CCDC178: variants seen among roughly 807,000 people sequenced by gnomAD.
CCDC178 encodes the protein coiled-coil domain containing 178, also known as coiled-coil domain-containing protein 178.
Under a neutral mutation model 117.4 loss-of-function variants are expected in CCDC178, and 126 were observed. The observed-to-expected ratio is 1.07, with a 90% CI of 0.93 to 1.24. The LOEUF (loss-of-function observed/expected upper bound fraction) is 1.24, where lower values mean the gene tolerates loss of function less well. Ranked by LOEUF, CCDC178 falls within the 50% of genes most tolerant of loss-of-function variation. The pLI is 0.00. For synonymous variants in CCDC178, 283 were observed against 313.4 expected (o/e 0.90, Z 1.02); for missense variants, 1,030 against 986.9 (o/e 1.04, Z -0.59).
intron 17 of CCDC178, among the ~76,000 whole-genome samples, chr18:33,223,702 A>T (rs2059267289): frequency 6.6e-6 from 1 of 152,152 alleles, no homozygotes; most frequent in African/African-American, 2.4e-5. Context: ...GGAAACAAAG[A>T]TCATTAATCT....
At chr18:33,441,010 G>T (rs1048849993), upstream of CCDC178, 2 of 152,322 alleles carry the variant, frequency 1.3e-5, no homozygotes, top group Non-Finnish European at 2.9e-5. Context: ...AGGTTAGAAC[G>T]TGAGGGGATC....
intron 15 of CCDC178, among the ~76,000 whole-genome samples, chr18:33,230,760 T>A (rs982999279): frequency 4.6e-5 from 7 of 152,036 alleles, no homozygotes; most frequent in African/African-American, 1.7e-4. Context: ...ATGGGACAGG[T>A]GGTAGAAAAG....
intron 20 of CCDC178, among the ~76,000 whole-genome samples, chr18:33,176,716 T>C (rs2058668375): frequency 6.6e-6 from 1 of 152,206 alleles, no homozygotes; most frequent in Non-Finnish European, 1.5e-5. Context: ...TGTACTGTCT[T>C]CAGTACACTT....
intron 21 of CCDC178, among the ~76,000 whole-genome samples, chr18:33,070,329 A>C (rs576990637): frequency 6.6e-6 from 1 of 152,222 alleles, no homozygotes; most frequent in African/African-American, 2.4e-5. Context: ...TACACAATAG[A>C]ATACTATTCA....
At position 33,012,985 on chromosome 18, in the gene CCDC178, T is replaced by C. The variant is rs1598787741; in HGVS notation, c.2389-38304A>G. ...TATCAGCCTATGCTCTAAACAGTAG[T>C]TAGAGCAAACTTGTTTATAAGAGAA... is the stretch of plus-strand genomic sequence containing the variant. On this transcript the variant is annotated intron_variant, in intron 21 of 22. Transcript: ENST00000383096. Among the ~76,000 whole-genome samples, 8 of 152,286 alleles carry C rather than the reference T, an allele frequency of 5.3e-5. 2 individuals are homozygous for C. The highest frequency in any genetic ancestry group is 5.2e-4 in the Admixed American group (8 of 15,290).
chr18:33,128,213 T>C (rs1201718430), intron 20 of CCDC178, among the ~76,000 whole-genome samples: 3 of 152,206 alleles, frequency 2.0e-5, no homozygotes, highest in Non-Finnish European at 2.9e-5. Flanking sequence ...TACACTGACA[T>C]TGTCAATCCT....
chr18:33,378,496 G>T (rs2063393225), intron 5 of CCDC178, among the ~76,000 whole-genome samples: 1 of 152,020 alleles, frequency 6.6e-6, no homozygotes, highest in East Asian at 1.9e-4. Flanking sequence ...AGTCAGAATG[G>T]GCATGCTCAT....
chr18:33,192,217 T>C (rs1045256995), intron 20 of CCDC178, among the ~76,000 whole-genome samples: 1 of 152,196 alleles, frequency 6.6e-6, no homozygotes, highest in Admixed American at 6.5e-5. Flanking sequence ...CTCAACTTGG[T>C]TGTAATTTCC....
intron 18 of CCDC178, among the ~76,000 whole-genome samples, chr18:33,221,450 A>G (rs2144620006): frequency 6.6e-6 from 1 of 152,182 alleles, no homozygotes; most frequent in Middle Eastern, 3.4e-3. Context: ...CTTTTCAGAA[A>G]ATTGATGAGA....
chr18:33,172,041 G>T (rs1280822323), intron 20 of CCDC178, among the ~76,000 whole-genome samples: 4 of 152,128 alleles, frequency 2.6e-5, no homozygotes, highest in Non-Finnish European at 5.9e-5. Flanking sequence ...CTCCTGAGTA[G>T]CTGGGATTAC....
At chr18:33,217,217 G>A (rs955614753) in intron 18 of CCDC178, among the ~76,000 whole-genome samples, 1 of 152,004 alleles carries the variant, frequency 6.6e-6, no homozygotes, top group African/African-American at 2.4e-5. Context: ...GCTTTCTTAT[G>A]CTCTGTAAGT....
chr18:33,317,891 C>T (rs751161171), intron 11 of CCDC178, among the ~76,000 whole-genome samples: 1 of 152,004 alleles, frequency 6.6e-6, no homozygotes, highest in Non-Finnish European at 1.5e-5. Context: ...GATAGCCAAC[C>T]AAAGGACTTC....
intron 5 of CCDC178, among the ~76,000 whole-genome samples, chr18:33,377,947 A>G (rs775343474): frequency 1.3e-5 from 2 of 152,196 alleles, no homozygotes; most frequent in Non-Finnish European, 2.9e-5. Flanking sequence ...GTTCTGTATG[A>G]ATTTTAAAAT....
chr18:33,426,131 G>A (rs554872571), intron 2 of CCDC178, among the ~76,000 whole-genome samples: 4 of 152,256 alleles, frequency 2.6e-5, no homozygotes, highest in East Asian at 1.9e-4. Flanking sequence ...AATTATTCTC[G>A]ATCTCCTGAC....
At chr18:33,191,986 T>C (rs1047069907) in intron 20 of CCDC178, among the ~76,000 whole-genome samples, 3 of 152,214 alleles carry the variant, frequency 2.0e-5, no homozygotes, top group Non-Finnish European at 4.4e-5. Flanking sequence ...TGTTCTGTTA[T>C]ATGATAGAAA....
intron 10 of CCDC178, chr18:33,328,082 GATTTTTTTTTTTTTTTTTTTTTTTTT>G: frequency 1.2e-5 from 3 of 248,470 alleles, no homozygotes; most frequent in Non-Finnish European, 2.3e-5. Flanking sequence ...TTTATCCCTA[GATTTTTTTTTTTTTTTTTTTTTTTTT>G]TTTTTTTTTT....
At chr18:33,416,428 A>G (rs1599294557) in intron 2 of CCDC178, among the ~76,000 whole-genome samples, 3 of 20,612 alleles carry the variant, frequency 1.5e-4, no homozygotes, top group South Asian at 0.01. Context: ...CTCTGTCTCG[A>G]AAAAAAAAAA....
intron 6 of CCDC178, among the ~76,000 whole-genome samples, chr18:33,365,819 T>C (rs1175965745): frequency 3.6e-4 from 55 of 152,072 alleles, no homozygotes; most frequent in Admixed American, 3.5e-3. Flanking sequence ...TCTAAGAGAA[T>C]AAGGTAGAGG....
At chr18:33,056,886 T>C (rs536690125) in intron 21 of CCDC178, among the ~76,000 whole-genome samples, 5 of 152,026 alleles carry the variant, frequency 3.3e-5, no homozygotes, top group African/African-American at 4.8e-5. Context: ...TCTGGAATTG[T>C]AGATATCATA....
Sources: gnomAD v4.1 joint callset for allele counts (sites outside exome capture counted in the v4.1 genomes callset) on GRCh38, gnomAD v4.1.1 for gene constraint, MANE v1.5 for transcripts, NCBI Gene and HGNC (gene_info 2026-07-23, HGNC 2026-07-21) for gene names.